Variants in EPHA6 observed in about 807,000 individuals in gnomAD.
EPHA6 encodes EPH receptor A6.
Under a neutral mutation model 112.0 loss-of-function variants are expected in EPHA6, and 50 were observed. That is an observed-to-expected ratio of 0.45 (90% CI 0.36 to 0.56). The LOEUF (loss-of-function observed/expected upper bound fraction) is 0.56, where lower values mean the gene tolerates loss of function less well. EPHA6 is among the 20% of genes least tolerant of loss of function. The pLI, the probability that EPHA6 is intolerant of heterozygous loss-of-function variation, is 0.00. For missense variants in EPHA6, 1,280 were observed against 1,417.4 expected (o/e 0.90, Z 1.56); for synonymous variants, 529 against 490.7 (o/e 1.08, Z -1.03).
At chr3:96,972,421 AC>A (rs1559633579) in intron 2 of EPHA6, among the ~76,000 whole-genome samples, 4 of 77,404 alleles carry the variant, frequency 5.2e-5, no homozygotes, top group Non-Finnish European at 9.4e-5. Context: ...AAACACACAC[AC>A]AAACACACAC....
intron 2 of EPHA6, among the ~76,000 whole-genome samples, chr3:96,920,131 A>C (rs916212570): frequency 6.6e-6 from 1 of 151,960 alleles, no homozygotes; most frequent in Non-Finnish European, 1.5e-5. Flanking sequence ...TCTTTTAATC[A>C]TAATAAATGA....
At chr3:97,687,405 A>C (rs1316288357) in intron 14 of EPHA6, among the ~76,000 whole-genome samples, 2 of 152,226 alleles carry the variant, frequency 1.3e-5, no homozygotes, top group Admixed American at 1.3e-4. Context: ...GTCATATTAA[A>C]AATGCTAGCA....
chr3:97,121,680 C>A lies in EPHA6; in HGVS notation c.1115-104584C>A, dbSNP rs529220097. ...TATATAACTGCTTTCCCAAGAGGTT[C>A]CATCCAGTTAACTGCAAGATTTAAT... On this transcript the variant is annotated intron_variant, in intron 3 of 17. Coordinates refer to ENST00000389672, the MANE Select transcript of EPHA6 (RefSeq NM_001080448.3). 2.0e-5 allele frequency among the ~76,000 whole-genome samples: 3 copies of A among 152,172 alleles called. No individual in the cohort carries two copies. The East Asian group carries it at 5.8e-4, about 29-fold the overall frequency.
chr3:97,516,662 T>C lies in EPHA6; in HGVS notation c.2201-15696T>C, dbSNP rs113400304. On this transcript the variant is annotated intron_variant, in intron 10 of 17. Transcript: ENST00000389672. ...AATTAAAAATCTAATGTTGTATGTTTTTTTCTCTATGTCTCTTCTTTTATA... is the reference window on the plus strand; with the variant it reads ...AATTAAAAATCTAATGTTGTATGTTCTTTTCTCTATGTCTCTTCTTTTATA... Among the ~76,000 whole-genome samples, 767 of 152,282 alleles carry C rather than the reference T, an allele frequency of 5.0e-3. 7 individuals are homozygous for C. The highest frequency in any genetic ancestry group is 0.018 in the African/African-American group (735 of 41,570).
intron 3 of EPHA6, among the ~76,000 whole-genome samples, chr3:97,078,973 G>T (rs551401240): frequency 3.6e-4 from 55 of 152,262 alleles, no homozygotes; most frequent in Non-Finnish European, 6.8e-4. Flanking sequence ...AAGACTTAAA[G>T]ACAGGAACAC....
intron 2 of EPHA6, among the ~76,000 whole-genome samples, chr3:96,944,307 T>C (rs2107698078): frequency 6.6e-6 from 1 of 152,286 alleles, no homozygotes; most frequent in Middle Eastern, 3.4e-3. Flanking sequence ...TAAACAATTG[T>C]ATCACTTATA....
chr3:97,022,846 G>T (rs2044508609), intron 3 of EPHA6, among the ~76,000 whole-genome samples: 1 of 152,172 alleles, frequency 6.6e-6, no homozygotes, highest in Non-Finnish European at 1.5e-5. Flanking sequence ...AACAAAGACT[G>T]ATCCTAGCAT....
chr3:97,429,887 T>A (rs943320611), intron 6 of EPHA6, among the ~76,000 whole-genome samples: 1 of 152,188 alleles, frequency 6.6e-6, no homozygotes, highest in African/African-American at 2.4e-5. Flanking sequence ...GATAAGGGTA[T>A]ACCATACAGA....
chr3:97,602,196 A>G (rs1473439891), intron 12 of EPHA6, among the ~76,000 whole-genome samples: 1 of 152,064 alleles, frequency 6.6e-6, no homozygotes, highest in African/African-American at 2.4e-5. Context: ...TTAATATAAT[A>G]TAAAACAAAT....
At chr3:97,049,188 A>G (rs1243446110) in intron 3 of EPHA6, among the ~76,000 whole-genome samples, 1 of 152,184 alleles carries the variant, frequency 6.6e-6, no homozygotes, top group African/African-American at 2.4e-5. Context: ...TTTTTACTTC[A>G]TGGCACATAA....
chr3:97,737,970 T>A (rs904743555), intron 16 of EPHA6, among the ~76,000 whole-genome samples: 1 of 151,988 alleles, frequency 6.6e-6, no homozygotes, highest in African/African-American at 2.4e-5. Flanking sequence ...TCAAGGAGTA[T>A]AATGTCCAAG....
chr3:97,116,032 G>A (rs552651721), intron 3 of EPHA6, among the ~76,000 whole-genome samples: 76 of 151,708 alleles, frequency 5.0e-4, no homozygotes, highest in African/African-American at 1.5e-3. Context: ...GCACTGAGAC[G>A]TTTCTTTTTA....
At chr3:97,312,377 G>A (rs374512803) in intron 5 of EPHA6, among the ~76,000 whole-genome samples, 8 of 151,510 alleles carry the variant, frequency 5.3e-5, no homozygotes, top group East Asian at 3.9e-4. Context: ...TGGAGAACAC[G>A]ATTAAGTATG....
At chr3:97,100,818 T>C (rs1041789037) in intron 3 of EPHA6, among the ~76,000 whole-genome samples, 1 of 152,044 alleles carries the variant, frequency 6.6e-6, no homozygotes, top group African/African-American at 2.4e-5. Flanking sequence ...TTTGACATTA[T>C]TGTTGTAATT....
Position 97,470,009 on chromosome 3 carries a change from A to C in EPHA6, c.1895-5343A>C, listed in dbSNP as rs553159492. 1.8e-3 allele frequency among the ~76,000 whole-genome samples: 280 copies of C among 151,736 alleles called. 2 individuals are homozygous for C. The highest frequency in any genetic ancestry group is 6.4e-3 in the African/African-American group (265 of 41,486). ...CTATGCTTTTAAACCCACGTGGCCC[A>C]AATGATAACAATATCATCTACAAAG... On this transcript the variant is annotated intron_variant, in intron 7 of 17. Transcript: ENST00000389672.
chr3:97,648,621 C>T (rs1342330580), intron 14 of EPHA6: 4 of 1,124,074 alleles, frequency 3.6e-6, no homozygotes, highest in Non-Finnish European at 3.3e-6. Context: ...AAATGGGATT[C>T]GTCTGGAGAT....
intron 13 of EPHA6, among the ~76,000 whole-genome samples, chr3:97,612,976 A>G (rs776967281): frequency 6.6e-6 from 1 of 152,074 alleles, no homozygotes; most frequent in Non-Finnish European, 1.5e-5. Context: ...TAAATTGCTT[A>G]CTACTTTTCC....
intron 5 of EPHA6, among the ~76,000 whole-genome samples, chr3:97,399,928 C>G (rs2086895592): frequency 6.6e-6 from 1 of 151,432 alleles, no homozygotes; most frequent in Admixed American, 6.6e-5. Flanking sequence ...TGTTCAGAAG[C>G]TTTTAGTTTG....
intron 5 of EPHA6, among the ~76,000 whole-genome samples, chr3:97,315,607 G>A (rs13092333): frequency 0.025 from 3,852 of 151,702 alleles, 78 homozygotes; most frequent in Non-Finnish European, 0.039. Context: ...TCATTTACAC[G>A]TGATGTTTCT....
Sources: gnomAD v4.1 joint callset for allele counts (sites outside exome capture counted in the v4.1 genomes callset) on GRCh38, gnomAD v4.1.1 for gene constraint, MANE v1.5 for transcripts, NCBI Gene and HGNC (gene_info 2026-07-23, HGNC 2026-07-21) for gene names.